ZNF114: variants seen among roughly 807,000 people sequenced by gnomAD.
The protein encoded by ZNF114 is zinc finger protein 114 (Y18).
Under a neutral mutation model 6.8 loss-of-function variants are expected in ZNF114, and 8 were observed. The observed-to-expected ratio is 1.18, with a 90% CI of 0.69 to 2.13. ZNF114 has a LOEUF of 2.13. Among genes scored for constraint, ZNF114 ranks in the 30% most tolerant of loss-of-function variants. The pLI, the probability that ZNF114 is intolerant of heterozygous loss-of-function variation, is 0.00. For synonymous variants in ZNF114, 169 were observed against 185.5 expected, an observed-to-expected ratio of 0.91 and a Z score of 0.72; for missense variants, 472 against 519.5, an observed-to-expected ratio of 0.91 and a Z score of 0.89.
chr19:48,276,486 A>G (rs1967837972), intron 3 of ZNF114, among the ~76,000 whole-genome samples: 1 of 151,862 alleles, frequency 6.6e-6, no homozygotes, highest in Non-Finnish European at 1.5e-5. Context: ...GACGTGTCTT[A>G]TTTCCTGAAT....
At position 48,286,521 on chromosome 19, in the gene ZNF114, TG is replaced by T; in HGVS notation, c.899del (p.Gly300GlufsTer21). 3.1e-6 allele frequency: 5 copies of T among 1,614,206 alleles called. No individual in the cohort carries two copies. The highest frequency in any genetic ancestry group is 4.2e-6 in the Non-Finnish European group (5 of 1,180,040). ...NSGSHKSHCT[G>X]EKTHKCPECG... ...CCGGTTCACACAAGAGTCATTGCAC[TG>T]GAGAGAAAACCCATAAATGCCCCGA... On this transcript the variant is annotated frameshift_variant, in exon 6 of 6. Coordinates refer to ENST00000595607, the MANE Select transcript of ZNF114 (RefSeq NM_153608.4). LOFTEE classifies it low-confidence loss of function (END_TRUNC).
Position 48,287,189 on chromosome 19 carries a change from G to A in ZNF114, c.*311G>A, listed in dbSNP as rs938114803. On this transcript the variant is annotated 3_prime_UTR_variant, in exon 6 of 6. Transcript: ENST00000595607. ...AACTCACACTGCAGAGACTCCTTAC[G>A]GAAATAAAAAATGTAGGAAAGACCT... is the stretch of plus-strand genomic sequence containing the variant. The A allele has an allele frequency of 6.0e-5, 11 of 183,758 alleles. No homozygotes were observed. The highest frequency in any genetic ancestry group is 4.1e-4 in the East Asian group (3 of 7,398). The allele number at this position is 183,758 out of a possible 1,614,324, so 11.4% of individuals were successfully genotyped here.
At chr19:48,277,529 G>A (rs954830428) in intron 3 of ZNF114, among the ~76,000 whole-genome samples, 23 of 152,176 alleles carry the variant, frequency 1.5e-4, no homozygotes, top group African/African-American at 5.3e-4. Flanking sequence ...ATCATTATGA[G>A]CGCAGGTATT....
rs757208646 is a variant in ZNF114 at position 48,285,774 on chromosome 19, A to C, written c.150A>C (p.Pro50=). 1 of 1,607,188 alleles carries C rather than the reference A, an allele frequency of 6.2e-7. No individual in the cohort carries two copies. Among genetic ancestry groups the C allele is most frequent in the Admixed American group, 1.7e-5 (1 of 57,916 alleles). The change falls in exon 6 of 6, where the codon CCA becomes CCC. Residue 50 remains proline, a synonymous_variant. Coordinates refer to ENST00000595607, the MANE Select transcript of ZNF114 (RefSeq NM_153608.4). The stretch of plus-strand genomic sequence containing the variant: ...ACTGTATTTCAGATTGGGCAACTCC[A>C]TGTAAAACCAAAGACGCAACCCCTC... ...RNLAFIDWAT[P]CKTKDATPQP... is the part of the protein sequence containing the mutation.
rs764747616 is a variant in ZNF114, at chr19:48,286,707, C to T, written c.1083C>T (p.Tyr361=). The T allele has an allele frequency of 6.8e-6, 11 of 1,613,340 alleles. No individual in the cohort carries two copies. The highest frequency in any genetic ancestry group is 5.3e-5 in the African/African-American group (4 of 74,924). Residue 361 remains tyrosine, a synonymous_variant, in exon 6 of 6, where the codon TAC becomes TAT. Transcript: ENST00000595607. ...AGCATGTTGTGCAGAAGAAGCCCTA[C>T]GAATGTGAAGAATGTGGGAAAGTCA... ...LRKHVVQKKP[Y]ECEECGKVIR... is the part of the protein sequence containing the mutation.
At chr19:48,282,974 C>T (rs950191854) in intron 5 of ZNF114, among the ~76,000 whole-genome samples, 5 of 152,106 alleles carry the variant, frequency 3.3e-5, no homozygotes, top group South Asian at 4.1e-4. Context: ...CCTCGGCCTC[C>T]GGAAGTGCTG....
intron 3 of ZNF114, among the ~76,000 whole-genome samples, chr19:48,273,757 CTTT>C (rs779316334): frequency 3.1e-5 from 4 of 127,118 alleles, no homozygotes; most frequent in South Asian, 2.5e-4. Context: ...TGGGGCTTTT[CTTT>C]TTTTTTTTTT....
chr19:48,279,937 C>T, intron 4 of ZNF114, 129 bp downstream of exon 4: 3 of 1,358,450 alleles, frequency 2.2e-6, no homozygotes, highest in Non-Finnish European at 3.1e-6. Context: ...CCGTGCTGCC[C>T]TAGGTCTCTG....
intron 5 of ZNF114, 121 bp from the exon 6 acceptor site, chr19:48,285,640 G>A: frequency 9.1e-7 from 1 of 1,097,168 alleles, no homozygotes. Flanking sequence ...AGGAGCGAGG[G>A]AGGGAGGGAA....
intron 1 of ZNF114, among the ~76,000 whole-genome samples, chr19:48,270,683 A>C (rs1967632289): frequency 6.7e-6 from 1 of 148,744 alleles, no homozygotes; most frequent in Non-Finnish European, 1.5e-5. Flanking sequence ...GAAAAAAGGA[A>C]GGAAGGAGGG....
In ZNF114 at chr19:48,286,438, G is replaced by T; in HGVS notation, c.814G>T (p.Ala272Ser). 1.9e-6 allele frequency: 3 copies of T among 1,614,162 alleles called. No homozygotes were observed. Among genetic ancestry groups the T allele is most frequent in the Non-Finnish European group, 2.5e-6 (3 of 1,180,026 alleles). ...IHAMQMQLYT[A>S]ETNKKDCQTG... ...CGCCATGCAGATGCAGTTGTATACCGCAGAGACAAACAAGAAGGATTGTCA... is the reference window on the plus strand; with the variant it reads ...CGCCATGCAGATGCAGTTGTATACCTCAGAGACAAACAAGAAGGATTGTCA... Residue 272 changes from alanine (A) to serine (S), a missense_variant, in exon 6 of 6, where the codon GCA becomes TCA. Ala to Ser is a moderately conservative substitution (Grantham distance 99). Transcript: ENST00000595607.
chr19:48,282,515 C>G lies in ZNF114; in HGVS notation c.136+18C>G, dbSNP rs1968018983. On this transcript the variant is annotated intron_variant, in intron 5 of 5. Coordinates refer to ENST00000595607, the MANE Select transcript of ZNF114 (RefSeq NM_153608.4). ...ATTCATAGGTAAGGAGGCCCCCTTC[C>G]TGCACTTAGTCCGTGATGGGACCAG... 4 of 1,603,354 alleles carry G rather than the reference C, an allele frequency of 2.5e-6. No homozygotes were observed. The South Asian group carries it at 4.4e-5, about 18-fold the overall frequency.
chr19:48,275,393 A>G (rs1186224207), intron 3 of ZNF114, among the ~76,000 whole-genome samples: 1 of 142,124 alleles, frequency 7.0e-6, no homozygotes, highest in Non-Finnish European at 1.5e-5. Context: ...AGCCTGGCCA[A>G]CATGATGAAG....
At chr19:48,273,956 A>C (rs185621919) in intron 3 of ZNF114, among the ~76,000 whole-genome samples, 2 of 151,304 alleles carry the variant, frequency 1.3e-5, no homozygotes, top group Non-Finnish European at 2.9e-5. Flanking sequence ...ACGGGGTTTC[A>C]CCGTGTTAGC....
chr19:48,277,808 T>G (rs977375298), intron 3 of ZNF114, among the ~76,000 whole-genome samples: 113 of 150,970 alleles, frequency 7.5e-4, no homozygotes, highest in African/African-American at 2.7e-3. Context: ...TGTGTGTGTG[T>G]GTGTGTGTGT....
chr19:48,270,546 A>T (rs1393638287), intron 1 of ZNF114, among the ~76,000 whole-genome samples: 1 of 145,208 alleles, frequency 6.9e-6, no homozygotes, highest in Non-Finnish European at 1.5e-5. Context: ...GAAAGAAGGG[A>T]GGGAGGGAAG....
chr19:48,274,504 ATAT>A (rs1260088407), intron 3 of ZNF114, among the ~76,000 whole-genome samples: 8 of 11,842 alleles, frequency 6.8e-4, no homozygotes, highest in African/African-American at 2.0e-3. Context: ...ATATATATAT[ATAT>A]TTTTTTTTTT....
chr19:48,286,757 A>C lies in ZNF114; in HGVS notation c.1133A>C (p.His378Pro), dbSNP rs758399097. ...ATTCGGGAGTCCTCAAAATATACAC[A>C]TATAAGGAGCCACACTGGAGAGAAA... ...KVIRESSKYT[H>P]IRSHTGEKPY... The change falls in exon 6 of 6, where the codon CAT becomes CCT. Residue 378 changes from histidine (H) to proline (P), a missense_variant. By Grantham distance (77) the His-to-Pro change is moderately conservative. Coordinates refer to ENST00000595607, the MANE Select transcript of ZNF114 (RefSeq NM_153608.4). The C allele has an allele frequency of 9.3e-6, 15 of 1,613,874 alleles. No homozygotes were observed. Among genetic ancestry groups the C allele is most frequent in the Middle Eastern group, 1.6e-4 (1 of 6,062 alleles).
intron 5 of ZNF114, among the ~76,000 whole-genome samples, chr19:48,284,095 G>A (rs1177882532): frequency 6.6e-6 from 1 of 152,112 alleles, no homozygotes; most frequent in African/African-American, 2.4e-5. Flanking sequence ...TCAGAGGAAG[G>A]GGGATGAAAT....
Sources: allele counts gnomAD v4.1 joint callset (sites outside exome capture counted in the v4.1 genomes callset), GRCh38; gene constraint gnomAD v4.1.1; transcripts MANE v1.5; gene names NCBI Gene and HGNC (gene_info 2026-07-23, HGNC 2026-07-21).